FOXJ3: variants seen among roughly 807,000 people sequenced by gnomAD.
The protein encoded by FOXJ3 is forkhead box J3.
Under a neutral mutation model 76.1 loss-of-function variants are expected in FOXJ3, and 22 were observed. That is an observed-to-expected ratio of 0.29 (90% confidence interval 0.21 to 0.41). The LOEUF (loss-of-function observed/expected upper bound fraction) is 0.41. Ranked by LOEUF, FOXJ3 falls within the 10% of genes least tolerant of loss-of-function variation. The pLI, the probability that FOXJ3 is intolerant of heterozygous loss-of-function variation, is 1.00. For synonymous variants in FOXJ3, 269 were observed against 261.2 expected (o/e 1.03, Z -0.29); for missense variants, 613 against 762.1 (o/e 0.80, Z 2.30).
intron 5 of FOXJ3, among the ~76,000 whole-genome samples, chr1:42,217,629 C>T (rs1356925921): frequency 6.6e-6 from 1 of 152,138 alleles, no homozygotes; most frequent in Non-Finnish European, 1.5e-5. Flanking sequence ...AAAAACACTC[C>T]TCAGAGAAAT....
chr1:42,319,936 T>C (rs1025231551), intron 1 of FOXJ3, among the ~76,000 whole-genome samples: 20 of 152,232 alleles, frequency 1.3e-4, no homozygotes, highest in African/African-American at 4.8e-4. Context: ...ATATTGTTTA[T>C]TCACTAAACA....
chr1:42,307,662 G>C (rs1401267948), intron 2 of FOXJ3, among the ~76,000 whole-genome samples: 1 of 152,134 alleles, frequency 6.6e-6, no homozygotes, highest in East Asian at 1.9e-4. Flanking sequence ...ACCTATACCA[G>C]CAAGTAAAGT....
intron 4 of FOXJ3, among the ~76,000 whole-genome samples, chr1:42,246,465 C>T (rs1649560952): frequency 6.6e-6 from 1 of 151,922 alleles, no homozygotes; most frequent in Admixed American, 6.6e-5. Context: ...AAATGCAAAT[C>T]AAAACCAGAA....
intron 4 of FOXJ3, among the ~76,000 whole-genome samples, chr1:42,242,762 T>C (rs1287979200): frequency 2.0e-5 from 3 of 152,084 alleles, no homozygotes; most frequent in Non-Finnish European, 4.4e-5. Flanking sequence ...ATGAAAGGCA[T>C]AGGAAGTTTA....
At chr1:42,213,210 G>C (rs1647001342) in intron 5 of FOXJ3, among the ~76,000 whole-genome samples, 1 of 152,008 alleles carries the variant, frequency 6.6e-6, no homozygotes, top group South Asian at 2.1e-4. Context: ...AGCATGACTG[G>C]AACAGTCTCA....
intron 2 of FOXJ3, among the ~76,000 whole-genome samples, chr1:42,291,399 T>C (rs1653429642): frequency 6.6e-6 from 1 of 152,218 alleles, no homozygotes; most frequent in Admixed American, 6.5e-5. Context: ...CTGGACTTTA[T>C]CAAAATTTAA....
At chr1:42,249,789 C>G (rs1275032155) in intron 4 of FOXJ3, among the ~76,000 whole-genome samples, 1 of 152,128 alleles carries the variant, frequency 6.6e-6, no homozygotes. Context: ...AATACATAGA[C>G]AGCTACATCA....
At chr1:42,184,078 G>A (rs1191954486) in intron 11 of FOXJ3, among the ~76,000 whole-genome samples, 5 of 152,020 alleles carry the variant, frequency 3.3e-5, no homozygotes, top group Non-Finnish European at 7.4e-5. Context: ...GACGTGGGGC[G>A]GAATCCTGTC....
intron 3 of FOXJ3, among the ~76,000 whole-genome samples, chr1:42,276,512 C>T (rs1400265011): frequency 2.6e-5 from 4 of 151,904 alleles, no homozygotes; most frequent in Non-Finnish European, 5.9e-5. Flanking sequence ...TCTTGGAAAC[C>T]GCAACACTAA....
chr1:42,279,472 TAA>T (rs1386438137), intron 2 of FOXJ3, among the ~76,000 whole-genome samples: 1 of 152,168 alleles, frequency 6.6e-6, no homozygotes, highest in African/African-American at 2.4e-5. Flanking sequence ...CATTAAAAAC[TAA>T]AAGACAGGTT....
chr1:42,244,986 C>A (rs1649431828), intron 4 of FOXJ3, among the ~76,000 whole-genome samples: 1 of 152,102 alleles, frequency 6.6e-6, no homozygotes, highest in African/African-American at 2.4e-5. Context: ...TCGAGACCAG[C>A]CTGACCAATA....
chr1:42,302,504 G>T lies in FOXJ3; in HGVS notation c.44+8546C>A, dbSNP rs553953795. Among the ~76,000 whole-genome samples the T allele has an allele frequency of 2.1e-4, 32 of 152,340 alleles. No homozygotes were observed. In the South Asian group the frequency reaches 6.6e-3, roughly 32 times the overall value. On this transcript the variant is annotated intron_variant, in intron 2 of 12. Transcript: ENST00000361346. ...GCAGGGCACAAGCACCAGGTATGGG[G>T]GGCAGGGGAGAGCTGGGGTCCAATG...
At chr1:42,308,003 A>G (rs1366533164) in intron 2 of FOXJ3, among the ~76,000 whole-genome samples, 1 of 152,160 alleles carries the variant, frequency 6.6e-6, no homozygotes, top group Non-Finnish European at 1.5e-5. Flanking sequence ...GTTTTAATTC[A>G]CTTACTAACT....
In FOXJ3 at chr1:42,227,944, GT is replaced by G; in HGVS notation, c.466del (p.Thr156ProfsTer19). The G allele has an allele frequency of 6.4e-7, 1 of 1,569,922 alleles. No homozygotes were observed. The highest frequency in any genetic ancestry group is 8.7e-7 in the Non-Finnish European group (1 of 1,148,764). On this transcript the variant is annotated frameshift_variant, in exon 5 of 13. Transcript: ENST00000361346. LOFTEE classifies it high-confidence loss of function. ...PGKGSYWAID[T>X]NPKEDVLPTR... ...AGGCAGCACATCTTCCTTCGGATTG[GT>G]GTCTATTGCCCAGTAGGACCCCTAG...
intron 4 of FOXJ3, among the ~76,000 whole-genome samples, chr1:42,238,317 C>T (rs2124510909): frequency 6.6e-6 from 1 of 152,222 alleles, no homozygotes; most frequent in East Asian, 1.9e-4. Context: ...TATGGCATGG[C>T]CACCATGCCC....
intron 4 of FOXJ3, among the ~76,000 whole-genome samples, chr1:42,234,011 T>C (rs527659118): frequency 6.6e-6 from 1 of 152,362 alleles, no homozygotes; most frequent in South Asian, 2.1e-4. Context: ...TGAATGGTTG[T>C]TGAATTTTGT....
chr1:42,301,432 C>A (rs1267105644), intron 2 of FOXJ3, among the ~76,000 whole-genome samples: 1 of 151,912 alleles, frequency 6.6e-6, no homozygotes, highest in Non-Finnish European at 1.5e-5. Context: ...GAACTCCTGA[C>A]CCTCAAGTGA....
intron 4 of FOXJ3, among the ~76,000 whole-genome samples, chr1:42,237,437 C>CATATACATATATATGTAT (rs1648766014): frequency 7.3e-6 from 1 of 137,202 alleles, no homozygotes; most frequent in African/African-American, 2.7e-5. Flanking sequence ...TACATACATA[C>CATATACATATATATGTAT]ATATATATAT....
intron 5 of FOXJ3, among the ~76,000 whole-genome samples, chr1:42,215,991 G>A (rs1387964471): frequency 1.3e-5 from 2 of 151,788 alleles, no homozygotes; most frequent in Non-Finnish European, 2.9e-5. Context: ...CATCTCTAAG[G>A]GGGAAAAAAT....
Sources: allele counts gnomAD v4.1 joint callset (sites outside exome capture counted in the v4.1 genomes callset), GRCh38; gene constraint gnomAD v4.1.1; transcripts MANE v1.5; gene names NCBI Gene and HGNC (gene_info 2026-07-23, HGNC 2026-07-21).